The following SPECC1 variants were observed in gnomAD, a reference collection of about 807,000 sequenced individuals.
The protein encoded by SPECC1 is cytospin-B.
In SPECC1, 62 loss-of-function variants were observed where a neutral mutation model predicts 104.1. The observed-to-expected ratio is 0.60, with a 90% CI of 0.49 to 0.74. SPECC1 has a LOEUF of 0.74. Among genes scored for constraint, SPECC1 ranks in the 30% least tolerant of loss-of-function variants. The pLI, the probability that SPECC1 is intolerant of heterozygous loss-of-function variation, is 0.00. For missense variants in SPECC1, 1,306 were observed against 1,310.5 expected (o/e 1.00, Z 0.05); for synonymous variants, 513 against 501.6 (o/e 1.02, Z -0.30).
At chr17:20,253,629 T>C in intron 10 of SPECC1, 43 bp downstream of exon 10, 3 of 1,575,904 alleles carry the variant, frequency 1.9e-6, no homozygotes, top group Non-Finnish European at 2.6e-6. Context: ...TATCTTTCCG[T>C]GCAGTTAACT....
intron 5 of SPECC1, among the ~76,000 whole-genome samples, chr17:20,230,153 T>A (rs1416750269): frequency 4.6e-5 from 7 of 152,214 alleles, no homozygotes; most frequent in Non-Finnish European, 1.0e-4. Context: ...AAATGGCATT[T>A]TAGTTGATGA....
intron 12 of SPECC1, among the ~76,000 whole-genome samples, chr17:20,287,489 A>G (rs1328321378): frequency 6.6e-6 from 1 of 151,698 alleles, no homozygotes; most frequent in East Asian, 1.9e-4. Flanking sequence ...GAGCTCTGAT[A>G]AAGCATAACT....
intron 1 of SPECC1, among the ~76,000 whole-genome samples, chr17:20,062,646 G>A (rs2046226475): frequency 6.6e-6 from 1 of 151,806 alleles, no homozygotes; most frequent in Non-Finnish European, 1.5e-5. Context: ...CCACTGGCAT[G>A]AGCCACCATA....
chr17:20,318,750 A>G lies in SPECC1; in HGVS notation c.*4685A>G. ...ATTTCGAATATCTACAGTTGCCTCAATTCACGGGGCATTTCACTCCTCTGA... is the reference window on the plus strand; with the variant it reads ...ATTTCGAATATCTACAGTTGCCTCAGTTCACGGGGCATTTCACTCCTCTGA... On this transcript the variant is annotated 3_prime_UTR_variant, in exon 15 of 15. Transcript: ENST00000395527. 1 of 220,074 alleles carries G rather than the reference A, an allele frequency of 4.5e-6. No homozygotes were observed. The highest frequency in any genetic ancestry group is 9.1e-6 in the Non-Finnish European group (1 of 109,720). The allele number at this position is 220,074 out of a possible 1,614,324, so 13.6% of individuals were successfully genotyped here.
intron 3 of SPECC1, among the ~76,000 whole-genome samples, chr17:20,193,692 A>G (rs1734501101): frequency 6.6e-6 from 1 of 152,230 alleles, no homozygotes; most frequent in South Asian, 2.1e-4. Flanking sequence ...TTCCTACACA[A>G]AAAGTATAAC....
intron 3 of SPECC1, among the ~76,000 whole-genome samples, chr17:20,152,849 G>A (rs1328195282): frequency 6.6e-6 from 1 of 152,082 alleles, no homozygotes; most frequent in African/African-American, 2.4e-5. Context: ...TGTATTTTTG[G>A]TAGAGATGGG....
intron 13 of SPECC1, among the ~76,000 whole-genome samples, chr17:20,302,558 G>T (rs1372511723): frequency 6.6e-6 from 1 of 151,580 alleles, no homozygotes; most frequent in South Asian, 2.1e-4. Flanking sequence ...TTACTGTTGT[G>T]AATAAAAAAC....
intron 7 of SPECC1, chr17:20,239,382 G>A: frequency 1.5e-6 from 1 of 682,006 alleles, no homozygotes; most frequent in Non-Finnish European, 1.8e-6. Flanking sequence ...ATATGTATAG[G>A]GTTCATTTTC....
chr17:20,133,199 T>C (rs1371571623), intron 3 of SPECC1, among the ~76,000 whole-genome samples: 3 of 152,164 alleles, frequency 2.0e-5, no homozygotes, highest in African/African-American at 7.2e-5. Context: ...CAGAACCAGC[T>C]ATTTGTCTCA....
At chr17:20,043,048 C>G (rs2045396287) in intron 1 of SPECC1, among the ~76,000 whole-genome samples, 1 of 152,166 alleles carries the variant, frequency 6.6e-6, no homozygotes, top group Non-Finnish European at 1.5e-5. Context: ...TTAAATGAAA[C>G]TGAGTTTTCT....
chr17:20,249,455 A>G (rs1441276593), intron 9 of SPECC1, among the ~76,000 whole-genome samples: 2 of 152,158 alleles, frequency 1.3e-5, no homozygotes, highest in Admixed American at 6.5e-5. Flanking sequence ...CAGGCATACA[A>G]ATAGATAATA....
chr17:20,092,764 C>G (rs2047458829), intron 1 of SPECC1, among the ~76,000 whole-genome samples: 1 of 152,210 alleles, frequency 6.6e-6, no homozygotes, highest in Admixed American at 6.5e-5. Flanking sequence ...TTCATCTTTA[C>G]AGTTTTATGA....
At chr17:20,185,198 C>G (rs1370854143) in intron 3 of SPECC1, 1 of 152,306 alleles carries the variant, frequency 6.6e-6, no homozygotes, top group Non-Finnish European at 1.5e-5. Context: ...CTGTGACTCT[C>G]CCTTGTCCCA....
intron 3 of SPECC1, among the ~76,000 whole-genome samples, chr17:20,159,358 TG>T (rs1469864503): frequency 4.6e-5 from 7 of 152,204 alleles, no homozygotes; most frequent in Non-Finnish European, 1.0e-4. Context: ...CCACTGTACC[TG>T]GTTAAGTTCT....
chr17:20,180,503 A>C (rs775262905), intron 3 of SPECC1, among the ~76,000 whole-genome samples: 1 of 152,216 alleles, frequency 6.6e-6, no homozygotes, highest in Non-Finnish European at 1.5e-5. Context: ...AACATATTCT[A>C]CTAAGAGATG....
At chr17:20,090,606 A>T (rs540249624) in intron 1 of SPECC1, among the ~76,000 whole-genome samples, 1 of 144,572 alleles carries the variant, frequency 6.9e-6, no homozygotes, top group African/African-American at 2.5e-5. Context: ...AAAAAAAAAA[A>T]GGGCTCTTAT....
intron 3 of SPECC1, among the ~76,000 whole-genome samples, chr17:20,191,712 T>C (rs1393050408): frequency 6.6e-6 from 1 of 150,830 alleles, no homozygotes; most frequent in Non-Finnish European, 1.5e-5. Context: ...TGTGTTCTCA[T>C]TGTTCAGCTC....
chr17:20,117,398 A>G (rs1459843836), intron 3 of SPECC1, among the ~76,000 whole-genome samples: 2 of 152,232 alleles, frequency 1.3e-5, no homozygotes, highest in African/African-American at 2.4e-5. Context: ...ATGTACTTAC[A>G]TAAATATAAG....
chr17:20,223,451 A>C, intron 4 of SPECC1, among the ~76,000 whole-genome samples: 1 of 152,078 alleles, frequency 6.6e-6, no homozygotes. Flanking sequence ...CGGAGTGGGC[A>C]GATCACGAGG....
Sources: gnomAD v4.1 joint callset for allele counts (sites outside exome capture counted in the v4.1 genomes callset) on GRCh38, gnomAD v4.1.1 for gene constraint, MANE v1.5 for transcripts, NCBI Gene and HGNC (gene_info 2026-07-23, HGNC 2026-07-21) for gene names.